The following CDKAL1 variants were observed in gnomAD, a reference collection of about 807,000 sequenced individuals.
CDKAL1 encodes threonylcarbamoyladenosine tRNA methylthiotransferase.
Under a neutral mutation model 68.2 loss-of-function variants are expected in CDKAL1, and 32 were observed. The observed-to-expected ratio is 0.47, with a 90% CI of 0.35 to 0.63. CDKAL1 has a LOEUF of 0.63. Ranked by LOEUF, CDKAL1 falls within the 30% of genes least tolerant of loss-of-function variation. The pLI is 0.00. For missense variants in CDKAL1, 606 were observed against 696.7 expected, an observed-to-expected ratio of 0.87 and a Z score of 1.47; for synonymous variants, 234 against 244.3, an observed-to-expected ratio of 0.96 and a Z score of 0.39.
intron 9 of CDKAL1, among the ~76,000 whole-genome samples, chr6:20,938,654 CTT>C (rs1294944338): frequency 6.6e-6 from 1 of 151,980 alleles, no homozygotes; most frequent in Non-Finnish European, 1.5e-5. Flanking sequence ...CTCAGGAAAC[CTT>C]TTCTTCCCAT....
intron 4 of CDKAL1, among the ~76,000 whole-genome samples, chr6:20,634,663 G>A (rs1767817434): frequency 6.6e-6 from 1 of 152,152 alleles, no homozygotes; most frequent in Admixed American, 6.5e-5. Context: ...CATGGAAGAT[G>A]GTGAGGGGAA....
Position 21,201,219 on chromosome 6 carries a change from A to G in CDKAL1, c.1493A>G (p.Tyr498Cys), listed in dbSNP as rs1407429904. Residue 498 changes from tyrosine to cysteine, a missense_variant, in exon 15 of 16, where the codon TAC (tyrosine) becomes TGC (cysteine). Physicochemically the swap from Tyr to Cys is radical, Grantham distance 194. Transcript: ENST00000274695. ...CAGCCAGTATCTGATGCCAAAGTGT[A>G]CACGCCCTCCATCAGCAAACCGCTA... is the stretch of plus-strand genomic sequence containing the variant. Reference protein sequence around the residue: ...KGQPVSDAKVYTPSISKPLAK... With the variant: ...KGQPVSDAKVCTPSISKPLAK... 7 of 1,613,468 alleles carry G rather than the reference A, an allele frequency of 4.3e-6. No homozygotes were observed. The highest frequency in any genetic ancestry group is 1.3e-5 in the African/African-American group (1 of 75,026).
intron 12 of CDKAL1, among the ~76,000 whole-genome samples, chr6:21,091,981 G>C (rs1441892780): frequency 6.9e-6 from 1 of 144,872 alleles, no homozygotes; most frequent in East Asian, 2.0e-4. Flanking sequence ...CCGCCTCCCG[G>C]GTTCACGCCA....
intron 8 of CDKAL1, among the ~76,000 whole-genome samples, chr6:20,801,871 T>C (rs1776377855): frequency 6.6e-6 from 1 of 152,240 alleles, no homozygotes; most frequent in South Asian, 2.1e-4. Context: ...TAGATTATTT[T>C]AGCCCAATGT....
At chr6:21,072,453 T>C (rs1284086906) in intron 12 of CDKAL1, among the ~76,000 whole-genome samples, 1 of 150,736 alleles carries the variant, frequency 6.6e-6, no homozygotes, top group Non-Finnish European at 1.5e-5. Flanking sequence ...GCAGAACTCA[T>C]TGCATAAAAT....
intron 10 of CDKAL1, among the ~76,000 whole-genome samples, chr6:20,972,523 A>G (rs538651940): frequency 6.6e-6 from 1 of 152,356 alleles, no homozygotes; most frequent in Admixed American, 6.5e-5. Flanking sequence ...TGAAACAGAA[A>G]GCAGGATAAA....
intron 11 of CDKAL1, among the ~76,000 whole-genome samples, chr6:21,011,645 GA>G (rs925328431): frequency 3.9e-5 from 6 of 152,252 alleles, no homozygotes; most frequent in African/African-American, 1.4e-4. Flanking sequence ...TGTTTGGTAA[GA>G]ATGGTAAAAC....
chr6:21,002,405 C>G (rs1363304026), intron 11 of CDKAL1, among the ~76,000 whole-genome samples: 1 of 152,036 alleles, frequency 6.6e-6, no homozygotes, highest in Non-Finnish European at 1.5e-5. Flanking sequence ...CATACCCCCC[C>G]ATATATAGTT....
intron 5 of CDKAL1, among the ~76,000 whole-genome samples, chr6:20,709,187 G>A (rs1019822759): frequency 6.6e-6 from 1 of 152,060 alleles, no homozygotes; most frequent in African/African-American, 2.4e-5. Context: ...ATATTATTTA[G>A]GGAGAGTCTT....
intron 6 of CDKAL1, among the ~76,000 whole-genome samples, chr6:20,747,251 C>T (rs934625459): frequency 6.6e-6 from 1 of 152,148 alleles, no homozygotes; most frequent in Non-Finnish European, 1.5e-5. Flanking sequence ...TCGATGGATA[C>T]TTAGGTTGTT....
chr6:20,723,259 C>G (rs1345438235), intron 5 of CDKAL1, among the ~76,000 whole-genome samples: 22 of 152,278 alleles, frequency 1.4e-4, no homozygotes, highest in Non-Finnish European at 7.4e-5. Flanking sequence ...CAAGGGCCAG[C>G]TGAGCTGCTA....
chr6:20,741,475 A>G (rs922807456), intron 6 of CDKAL1, among the ~76,000 whole-genome samples: 1 of 151,826 alleles, frequency 6.6e-6, no homozygotes, highest in Admixed American at 6.6e-5. Context: ...CCCACTCACT[A>G]CCCTCCAATA....
intron 4 of CDKAL1, among the ~76,000 whole-genome samples, chr6:20,580,000 C>A (rs1765075723): frequency 4.6e-5 from 7 of 152,124 alleles, no homozygotes; most frequent in Admixed American, 4.6e-4. Flanking sequence ...ATTACATAAC[C>A]AATTTTGTGC....
At chr6:20,718,916 G>A (rs1030381775) in intron 5 of CDKAL1, among the ~76,000 whole-genome samples, 3 of 152,016 alleles carry the variant, frequency 2.0e-5, no homozygotes, top group Non-Finnish European at 2.9e-5. Flanking sequence ...CTACCTCTAG[G>A]GGCAAATATT....
At chr6:20,674,250 T>C (rs1243430716) in intron 5 of CDKAL1, among the ~76,000 whole-genome samples, 1 of 152,226 alleles carries the variant, frequency 6.6e-6, no homozygotes, top group Non-Finnish European at 1.5e-5. Context: ...CAGTTTCTTT[T>C]GTCCAGTTTG....
chr6:21,195,686 T>A (rs1335616457), intron 13 of CDKAL1, among the ~76,000 whole-genome samples: 1 of 151,620 alleles, frequency 6.6e-6, no homozygotes, highest in Non-Finnish European at 1.5e-5. Flanking sequence ...AATTTCTGTA[T>A]TTTTTATAGA....
At chr6:20,601,909 A>C (rs1581798405) in intron 4 of CDKAL1, among the ~76,000 whole-genome samples, 1 of 152,092 alleles carries the variant, frequency 6.6e-6, no homozygotes, top group Non-Finnish European at 1.5e-5. Flanking sequence ...AGTAGTTGTT[A>C]TTGGCTTGCT....
intron 5 of CDKAL1, among the ~76,000 whole-genome samples, chr6:20,707,300 C>T (rs1028462094): frequency 6.6e-6 from 1 of 152,104 alleles, no homozygotes; most frequent in Non-Finnish European, 1.5e-5. Flanking sequence ...TAGTTGCAAA[C>T]CATTAATCCA....
At chr6:21,131,649 A>C (rs1328583208) in intron 13 of CDKAL1, among the ~76,000 whole-genome samples, 2 of 152,214 alleles carry the variant, frequency 1.3e-5, no homozygotes, top group Non-Finnish European at 2.9e-5. Context: ...GTCATTTAAC[A>C]TTCCTAACAC....
Sources: allele counts gnomAD v4.1 joint callset (sites outside exome capture counted in the v4.1 genomes callset), GRCh38; gene constraint gnomAD v4.1.1; transcripts MANE v1.5; gene names NCBI Gene and HGNC (gene_info 2026-07-23, HGNC 2026-07-21).